PRKCQ: variants seen among roughly 807,000 people sequenced by gnomAD.
PRKCQ encodes the protein protein kinase C theta.
In PRKCQ, 41 loss-of-function variants were observed where a neutral mutation model predicts 91.2. The ratio of observed to expected loss-of-function variants is 0.45; its 90% CI spans 0.35 to 0.58. The LOEUF (loss-of-function observed/expected upper bound fraction) is 0.58, where lower values mean the gene tolerates loss of function less well. PRKCQ is among the 20% of genes least tolerant of loss of function. The probability of loss-of-function intolerance (pLI) is 0.00; values close to 1 mark genes in which losing one functional copy is unlikely to be tolerated. For synonymous variants in PRKCQ, 307 were observed against 316.9 expected (o/e 0.97, Z 0.33); for missense variants, 673 against 896.5 (o/e 0.75, Z 3.18).
chr10:6,480,847 T>C lies in PRKCQ; in HGVS notation c.1180-1682A>G, dbSNP rs1836557433. Among the ~76,000 whole-genome samples the C allele has an allele frequency of 1.3e-5, 2 of 152,192 alleles. 1 individual carries two copies. The highest frequency in any genetic ancestry group is 4.1e-4 in the South Asian group (2 of 4,828). On this transcript the variant is annotated intron_variant, in intron 11 of 17. Coordinates refer to ENST00000263125, the MANE Select transcript of PRKCQ (RefSeq NM_006257.5). ...GGTTCGTAGCTTGATGGTAGCTGACTTGATAGAAGGGAAGGGATGAAACTT... is the reference window on the plus strand; with the variant it reads ...GGTTCGTAGCTTGATGGTAGCTGACCTGATAGAAGGGAAGGGATGAAACTT...
rs1429570367 is a variant in PRKCQ at position 6,476,984 on chromosome 10, G to C, written c.1353+2008C>G. Among the ~76,000 whole-genome samples, 3 of 152,134 alleles carry C rather than the reference G, an allele frequency of 2.0e-5. No individual in the cohort carries two copies. In the East Asian group the frequency reaches 5.8e-4, roughly 29 times the overall value. Reference sequence around the variant, plus strand: ...ATGGGTATTTATCATCTCCAGGAGGGAGTTTCTAGTACAAAATCTCTTCTA... The same window carrying C: ...ATGGGTATTTATCATCTCCAGGAGGCAGTTTCTAGTACAAAATCTCTTCTA... On this transcript the variant is annotated intron_variant, in intron 12 of 17. Transcript: ENST00000263125.
chr10:6,429,929 A>T (rs1833324402), intron 17 of PRKCQ, among the ~76,000 whole-genome samples: 1 of 147,864 alleles, frequency 6.8e-6, no homozygotes, highest in African/African-American at 2.5e-5. Context: ...TATGTTGCCT[A>T]GGCTAGTCTC....
intron 12 of PRKCQ, among the ~76,000 whole-genome samples, chr10:6,472,684 G>A (rs141441676): frequency 1.3e-5 from 2 of 152,210 alleles, no homozygotes; most frequent in East Asian, 3.9e-4. Context: ...TTAAACAATT[G>A]TCAGGGACAA....
At chr10:6,516,806 G>A (rs138920801) in intron 1 of PRKCQ, among the ~76,000 whole-genome samples, 1 of 152,256 alleles carries the variant, frequency 6.6e-6, no homozygotes, top group African/African-American at 2.4e-5. Context: ...TAGCCCAGCA[G>A]GCGTCTGGGA....
intron 15 of PRKCQ, among the ~76,000 whole-genome samples, chr10:6,446,187 G>A (rs981971617): frequency 6.6e-6 from 1 of 152,084 alleles, no homozygotes; most frequent in African/African-American, 2.4e-5. Flanking sequence ...TATAGGGGGT[G>A]ATGATTGGGC....
chr10:6,434,641 G>A (rs746537473), intron 16 of PRKCQ, among the ~76,000 whole-genome samples: 1 of 152,148 alleles, frequency 6.6e-6, no homozygotes, highest in East Asian at 1.9e-4. Context: ...TCAGGACGGA[G>A]GTTTACATTG....
intron 15 of PRKCQ, among the ~76,000 whole-genome samples, chr10:6,447,032 G>C (rs1834345587): frequency 6.6e-6 from 1 of 152,112 alleles, no homozygotes; most frequent in Non-Finnish European, 1.5e-5. Flanking sequence ...GGTTTCCAGG[G>C]AAATCCGACT....
intron 1 of PRKCQ, among the ~76,000 whole-genome samples, chr10:6,550,499 C>T (rs1840141072): frequency 6.6e-6 from 1 of 152,218 alleles, no homozygotes; most frequent in Non-Finnish European, 1.5e-5. Context: ...GTCTCAAACT[C>T]CTGGCCTCAA....
chr10:6,472,019 C>T (rs955801457), intron 12 of PRKCQ, among the ~76,000 whole-genome samples: 10 of 151,838 alleles, frequency 6.6e-5, no homozygotes, highest in African/African-American at 2.2e-4. Context: ...AAAAAGTGGG[C>T]GTGTAGGGGC....
chr10:6,548,826 A>G (rs1419750983), intron 1 of PRKCQ, among the ~76,000 whole-genome samples: 1 of 152,074 alleles, frequency 6.6e-6, no homozygotes, highest in African/African-American at 2.4e-5. Flanking sequence ...TGGCACACGT[A>G]TACATATGTA....
intron 1 of PRKCQ, among the ~76,000 whole-genome samples, chr10:6,568,230 AC>A (rs1317665263): frequency 1.3e-5 from 2 of 152,122 alleles, no homozygotes; most frequent in Non-Finnish European, 2.9e-5. Context: ...AAAGAAAAAA[AC>A]AAAACAAAAC....
In PRKCQ at chr10:6,433,572, C is replaced by T. The variant is rs568648491; in HGVS notation, c.1837-2634G>A. Among the ~76,000 whole-genome samples the T allele has an allele frequency of 1.2e-4, 18 of 152,156 alleles. No homozygotes were observed. In the East Asian group the frequency reaches 3.3e-3, roughly 28 times the overall value. On this transcript the variant is annotated intron_variant, in intron 16 of 17. Transcript: ENST00000263125. ...GCATAGAAAAGAAGCACCAAGTTCA[C>T]GGTAAGATATATTTTTCTGTAGACT...
At chr10:6,571,258 G>T (rs771952602) in intron 1 of PRKCQ, among the ~76,000 whole-genome samples, 1 of 152,156 alleles carries the variant, frequency 6.6e-6, no homozygotes, top group Non-Finnish European at 1.5e-5. Context: ...CACAGAGGGG[G>T]CAAAGAAAGT....
intron 12 of PRKCQ, among the ~76,000 whole-genome samples, chr10:6,472,558 G>A (rs748574637): frequency 9.2e-5 from 14 of 152,134 alleles, no homozygotes; most frequent in Non-Finnish European, 1.9e-4. Context: ...TGCGTTTTAC[G>A]CCTTGAGAGA....
rs558492817 is a variant in PRKCQ at position 6,550,416 on chromosome 10, G to A, written c.-10+29795C>T. ...CGCCACCTGAGTAGCTGGGATTACAGGCACATGCCACCATGCCCGGCTAAT... is the reference window on the plus strand; with the variant it reads ...CGCCACCTGAGTAGCTGGGATTACAAGCACATGCCACCATGCCCGGCTAAT... On this transcript the variant is annotated intron_variant, in intron 1 of 17. Transcript: ENST00000263125. 5.9e-5 allele frequency among the ~76,000 whole-genome samples: 9 copies of A among 152,240 alleles called. No homozygotes were observed. The East Asian group carries it at 1.7e-3, about 29-fold the overall frequency.
At chr10:6,520,491 G>A (rs1838958628) in intron 1 of PRKCQ, among the ~76,000 whole-genome samples, 1 of 152,190 alleles carries the variant, frequency 6.6e-6, no homozygotes, top group Non-Finnish European at 1.5e-5. Flanking sequence ...AACTGCTGCT[G>A]TTTCTCCAAT....
chr10:6,403,647 C>G, the PRKCQ span, among the ~76,000 whole-genome samples: 1 of 152,142 alleles, frequency 6.6e-6, no homozygotes, highest in African/African-American at 2.4e-5. Flanking sequence ...AATGCTGTGT[C>G]AGACCATTTT....
At chr10:6,460,854 TCCAA>T (rs745344985) in intron 14 of PRKCQ, among the ~76,000 whole-genome samples, 115 of 151,216 alleles carry the variant, frequency 7.6e-4, no homozygotes, top group Non-Finnish European at 9.3e-4. Flanking sequence ...CATCCATCCA[TCCAA>T]CCATCTGTTC....
chr10:6,410,078 C>CG, the PRKCQ span, among the ~76,000 whole-genome samples: 2 of 152,152 alleles, frequency 1.3e-5, no homozygotes, highest in Non-Finnish European at 2.9e-5. Context: ...GGGCTACTCA[C>CG]TGCTCAACGA....
Sources: allele counts gnomAD v4.1 joint callset (sites outside exome capture counted in the v4.1 genomes callset), GRCh38; gene constraint gnomAD v4.1.1; transcripts MANE v1.5; gene names NCBI Gene and HGNC (gene_info 2026-07-23, HGNC 2026-07-21).